The following ZNF521 variants were observed in gnomAD, a reference collection of about 807,000 sequenced individuals.
ZNF521 encodes zinc finger protein 521.
In ZNF521, 14 loss-of-function variants were observed where a neutral mutation model predicts 105.5. The observed-to-expected ratio is 0.13, with a 90% CI of 0.09 to 0.21. The LOEUF (loss-of-function observed/expected upper bound fraction) is 0.21, where lower values mean the gene tolerates loss of function less well. Ranked by LOEUF, ZNF521 falls within the 10% of genes least tolerant of loss-of-function variation. The probability of loss-of-function intolerance (pLI) is 1.00; values close to 1 mark genes in which losing one functional copy is unlikely to be tolerated. For missense variants in ZNF521, 1,233 were observed against 1,629.7 expected (o/e 0.76, Z 4.19); for synonymous variants, 635 against 606.0 (o/e 1.05, Z -0.70).
chr18:25,089,497 G>C lies in ZNF521; in HGVS notation c.3874C>G (p.Pro1292Ala). The change falls in exon 7 of 8, where the codon CCA (proline) becomes GCA (alanine). Residue 1292 changes from proline (P) to alanine (A), a missense_variant. Transcript: ENST00000361524. ...TCTGTTTGGAAGAAAAACTTCTGTGGACATTGTGTACAGTCATAGATCTTG... is the reference window on the plus strand; with the variant it reads ...TCTGTTTGGAAGAAAAACTTCTGTGCACATTGTGTACAGTCATAGATCTTG... ...EDKIYDCTQCPQKFFFQTELQ... is the reference protein window; with the variant it reads ...EDKIYDCTQCAQKFFFQTELQ... The C allele has an allele frequency of 1.9e-6, 3 of 1,614,096 alleles. No individual in the cohort carries two copies. The highest frequency in any genetic ancestry group is 2.5e-6 in the Non-Finnish European group (3 of 1,179,988).
intron 3 of ZNF521, among the ~76,000 whole-genome samples, chr18:25,228,131 A>C (rs955505629): frequency 1.3e-5 from 2 of 152,256 alleles, no homozygotes; most frequent in African/African-American, 4.8e-5. Flanking sequence ...TTTAAAATTA[A>C]TGCAGTCAAC....
chr18:25,167,191 G>A (rs182401820), intron 5 of ZNF521, among the ~76,000 whole-genome samples: 6 of 152,204 alleles, frequency 3.9e-5, no homozygotes, highest in East Asian at 3.9e-4. Flanking sequence ...AGTTCACCTG[G>A]AAGCCCTGTC....
At chr18:25,156,436 C>A (rs1035111039) in intron 5 of ZNF521, among the ~76,000 whole-genome samples, 4 of 152,152 alleles carry the variant, frequency 2.6e-5, no homozygotes, top group African/African-American at 9.7e-5. Context: ...GAAACATTTT[C>A]TCACGCTCAT....
chr18:25,235,768 C>T (rs544912325), intron 3 of ZNF521, among the ~76,000 whole-genome samples: 1 of 152,264 alleles, frequency 6.6e-6, no homozygotes, highest in African/African-American at 2.4e-5. Flanking sequence ...ACACTGTATA[C>T]TTCACTGCAG....
intron 3 of ZNF521, among the ~76,000 whole-genome samples, chr18:25,288,541 A>C (rs1444689179): frequency 6.9e-6 from 1 of 145,844 alleles, no homozygotes; most frequent in African/African-American, 2.6e-5. Context: ...CCTCTACTGT[A>C]TTCATCATTA....
chr18:25,087,983 G>A (rs541619134), intron 7 of ZNF521, among the ~76,000 whole-genome samples: 60 of 152,082 alleles, frequency 3.9e-4, no homozygotes, highest in Non-Finnish European at 6.9e-4. Flanking sequence ...CATAAATCTC[G>A]TTTCATCAGG....
intron 3 of ZNF521, among the ~76,000 whole-genome samples, chr18:25,287,606 GA>G (rs1165096292): frequency 0.024 from 3,095 of 126,868 alleles, 52 homozygotes; most frequent in African/African-American, 0.05. Context: ...GAGAAATTCA[GA>G]AAAAAAAAAA....
At position 25,141,483 on chromosome 18, in the gene ZNF521, G is replaced by C. The variant is rs189653106; in HGVS notation, c.3659-49402C>G. Among the ~76,000 whole-genome samples, 321 of 152,268 alleles carry C rather than the reference G, an allele frequency of 2.1e-3. 2 individuals carry two copies. The highest frequency in any genetic ancestry group is 0.017 in the Middle Eastern group (5 of 294). On this transcript the variant is annotated intron_variant, in intron 5 of 7. Coordinates refer to ENST00000361524, the MANE Select transcript of ZNF521 (RefSeq NM_015461.3). Reference sequence around the variant, plus strand: ...CTTAGAGCACAGAAAATGGAAATTTGGTTCTAGAGTTCCCTTAGTGGTTCT... The same window carrying C: ...CTTAGAGCACAGAAAATGGAAATTTCGTTCTAGAGTTCCCTTAGTGGTTCT...
intron 4 of ZNF521, chr18:25,224,070 T>C: frequency 5.3e-6 from 2 of 380,396 alleles, no homozygotes; most frequent in Non-Finnish European, 9.5e-6. Flanking sequence ...ATCTCAGTAG[T>C]GTTGGCATGA....
rs201407998 is a variant in ZNF521 at position 25,226,945 on chromosome 18, G to A, written c.973C>T (p.Leu325=). The A allele has an allele frequency of 8.1e-6, 13 of 1,613,952 alleles. No homozygotes were observed. The East Asian group carries it at 2.9e-4, about 36-fold the overall frequency. ...TGGTGACTGTCCATGTGGCTGTACA[G>A]TTCCTCAACTGTGTGGAAACTCTCA... The part of the protein sequence containing the change: ...CSESFHTVEE[L]YSHMDSHQQP... Residue 325 remains leucine (L), a synonymous_variant, in exon 4 of 8, where the codon CTG becomes TTG. Transcript: ENST00000361524. This position sits in a 1 kb window ranked among gnomAD's most constrained non-coding sequence, Gnocchi z 4.1.
At chr18:25,074,990 AT>A (rs2033325057) in intron 7 of ZNF521, among the ~76,000 whole-genome samples, 1 of 152,344 alleles carries the variant, frequency 6.6e-6, no homozygotes, top group East Asian at 1.9e-4. Context: ...AATTAAAAAA[AT>A]CTCTTTAAAG....
At chr18:25,137,223 C>A (rs138981113) in intron 5 of ZNF521, among the ~76,000 whole-genome samples, 163 of 152,292 alleles carry the variant, frequency 1.1e-3, no homozygotes, top group African/African-American at 3.6e-3. Context: ...AGAACAACCA[C>A]AGTGTATGGC....
chr18:25,244,754 T>G (rs776612380), intron 3 of ZNF521, among the ~76,000 whole-genome samples: 5 of 152,236 alleles, frequency 3.3e-5, no homozygotes, highest in Non-Finnish European at 4.4e-5. Flanking sequence ...GATGACTTTT[T>G]TAAGTGTCTC....
At chr18:25,319,458 T>C (rs1912816590) in intron 3 of ZNF521, among the ~76,000 whole-genome samples, 1 of 152,000 alleles carries the variant, frequency 6.6e-6, no homozygotes, top group African/African-American at 2.4e-5. Context: ...TAGCTGGGCA[T>C]GGTGGTATGC....
intron 5 of ZNF521, among the ~76,000 whole-genome samples, chr18:25,128,571 C>T (rs566656690): frequency 1.8e-4 from 27 of 151,972 alleles, no homozygotes; most frequent in African/African-American, 4.6e-4. Context: ...TCAACCACAA[C>T]GAAGAAAATC....
At chr18:25,140,651 G>A (rs2034829422) in intron 5 of ZNF521, among the ~76,000 whole-genome samples, 1 of 152,196 alleles carries the variant, frequency 6.6e-6, no homozygotes. Flanking sequence ...AACACATGGG[G>A]AGACAGAGGG....
chr18:25,137,990 A>C (rs2034769098), intron 5 of ZNF521, among the ~76,000 whole-genome samples: 1 of 152,178 alleles, frequency 6.6e-6, no homozygotes, highest in Admixed American at 6.5e-5. Context: ...TTTTACAAGC[A>C]ATCAATTTCT....
chr18:25,277,928 T>C (rs573812820), intron 3 of ZNF521, among the ~76,000 whole-genome samples: 24 of 152,330 alleles, frequency 1.6e-4, no homozygotes, highest in African/African-American at 5.3e-4. Flanking sequence ...TACTGGTAGA[T>C]TTCCCTACAC....
chr18:25,110,982 C>T (rs1180512913), intron 5 of ZNF521, among the ~76,000 whole-genome samples: 3 of 151,992 alleles, frequency 2.0e-5, no homozygotes, highest in Middle Eastern at 3.2e-3. Flanking sequence ...AGGCTGGTCT[C>T]GAACTCCTGG....
Sources: gnomAD v4.1 joint callset for allele counts (sites outside exome capture counted in the v4.1 genomes callset) on GRCh38, gnomAD v4.1.1 for gene constraint, Gnocchi (gnomAD v3.1) non-coding constraint, MANE v1.5 for transcripts, NCBI Gene and HGNC (gene_info 2026-07-23, HGNC 2026-07-21) for gene names.